The following GET1 variants were observed in gnomAD, a reference collection of about 807,000 sequenced individuals.
GET1 encodes the protein congenital heart disease 5 protein.
A neutral mutation model predicts 22.6 loss-of-function variants in GET1; 20 were observed. The observed-to-expected ratio is 0.89, with a 90% CI of 0.62 to 1.29. The LOEUF is 1.29. Among genes scored for constraint, GET1 ranks in the 50% most tolerant of loss-of-function variants. The probability of loss-of-function intolerance (pLI) is 0.00; values close to 1 mark genes in which losing one functional copy is unlikely to be tolerated. For synonymous variants in GET1, 92 were observed against 83.8 expected, an observed-to-expected ratio of 1.10 and a Z score of -0.53; for missense variants, 209 against 219.9, an observed-to-expected ratio of 0.95 and a Z score of 0.31.
intron 1 of GET1, among the ~76,000 whole-genome samples, chr21:39,382,943 T>A (rs952824560): frequency 1.3e-5 from 2 of 152,118 alleles, no homozygotes; most frequent in Admixed American, 6.5e-5. Context: ...TTATTCTTTT[T>A]ATTTTTTTAT....
At chr21:39,420,350 C>T (rs1288965339) in intron 1 of GET1, among the ~76,000 whole-genome samples, 5 of 151,788 alleles carry the variant, frequency 3.3e-5, no homozygotes, top group African/African-American at 7.3e-5. Flanking sequence ...GGCAAAAGCC[C>T]GTCTCTACTA....
At chr21:39,407,020 A>G (rs2039182441), downstream of GET1, among the ~76,000 whole-genome samples, 6 of 152,186 alleles carry the variant, frequency 3.9e-5, no homozygotes, top group South Asian at 1.2e-3. Context: ...TGAGCCCAAG[A>G]GTCTGAGACC....
downstream of GET1, among the ~76,000 whole-genome samples, chr21:39,407,213 C>T (rs1368594378): frequency 5.3e-5 from 8 of 152,126 alleles, no homozygotes; most frequent in African/African-American, 1.9e-4. Context: ...GGCAACAGAG[C>T]AGAGCTGTTT....
At chr21:39,395,553 A>G (rs1472127376) in intron 4 of GET1, among the ~76,000 whole-genome samples, 1 of 151,928 alleles carries the variant, frequency 6.6e-6, no homozygotes, top group Non-Finnish European at 1.5e-5. Context: ...TAGTAGAGAC[A>G]GGGTTTCACC....
intron 1 of GET1, among the ~76,000 whole-genome samples, chr21:39,385,423 A>T (rs561710796): frequency 4.6e-5 from 7 of 152,234 alleles, no homozygotes; most frequent in Admixed American, 3.3e-4. Context: ...TGGGGGTGGG[A>T]TGCCTGGTAA....
chr21:39,413,319 G>A (rs530909725), intron 1 of GET1, among the ~76,000 whole-genome samples: 1 of 152,252 alleles, frequency 6.6e-6, no homozygotes, highest in East Asian at 1.9e-4. Context: ...GAAAAAGTCT[G>A]CAAGTCTAAG....
intron 1 of GET1, among the ~76,000 whole-genome samples, chr21:39,387,536 G>A (rs774750832): frequency 1.3e-5 from 2 of 152,106 alleles, no homozygotes; most frequent in Non-Finnish European, 2.9e-5. Context: ...TAGCTCCTTC[G>A]GTTATAGTGC....
At chr21:39,382,997 C>T (rs542278273) in intron 1 of GET1, among the ~76,000 whole-genome samples, 7 of 152,100 alleles carry the variant, frequency 4.6e-5, no homozygotes, top group African/African-American at 1.2e-4. Flanking sequence ...GTTGCCCAGG[C>T]TGGAGTGCAG....
At chr21:39,411,179 T>G (rs1373928197), downstream of GET1, 1 of 263,428 alleles carries the variant, frequency 3.8e-6, no homozygotes, top group East Asian at 1.0e-4. Context: ...TAGGCTATTG[T>G]GACCAAAGGA....
intron 1 of GET1, among the ~76,000 whole-genome samples, chr21:39,417,768 T>C (rs770338589): frequency 6.6e-6 from 1 of 151,968 alleles, no homozygotes; most frequent in Non-Finnish European, 1.5e-5. Context: ...AATTTTTTAA[T>C]TTTTAATTTT....
intron 1 of GET1, among the ~76,000 whole-genome samples, chr21:39,389,298 T>C (rs918671514): frequency 2.0e-5 from 3 of 152,018 alleles, no homozygotes; most frequent in Non-Finnish European, 4.4e-5. Flanking sequence ...CCTTTTTTTT[T>C]TGAGACAAGG....
Position 39,394,591 on chromosome 21 carries a change from AG to A in GET1, c.451+1313del, listed in dbSNP as rs545690974. On this transcript the variant is annotated intron_variant, in intron 4 of 4. Transcript: ENST00000649170. ...CCGGAGGCTGGGGAGTCCAAAATCA[AG>A]GTGCCGGCAGATTTGGTGTCTGATG... Among the ~76,000 whole-genome samples, 12 of 152,312 alleles carry A rather than the reference AG, an allele frequency of 7.9e-5. No individual in the cohort carries two copies. The East Asian group carries it at 1.9e-3, about 25-fold the overall frequency.
At chr21:39,391,676 T>C (rs917267349) in intron 2 of GET1, 93 bp from the exon 3 acceptor site, 11 of 1,197,194 alleles carry the variant, frequency 9.2e-6, no homozygotes, top group Non-Finnish European at 1.2e-5. Context: ...AATCAGAAAG[T>C]GTATTATAAG....
At chr21:39,417,683 G>A (rs768817406) in intron 1 of GET1, among the ~76,000 whole-genome samples, 26 of 152,310 alleles carry the variant, frequency 1.7e-4, no homozygotes, top group Admixed American at 5.9e-4. Context: ...GACAAAGGAG[G>A]AGCAAAAGGA....
chr21:39,396,835 G>T, intron 4 of GET1, 31 bp from the exon 5 acceptor site: 1 of 1,607,260 alleles, frequency 6.2e-7, no homozygotes, highest in Admixed American at 1.7e-5. Flanking sequence ...CTGCTGGTAT[G>T]CGCTCTCATG....
chr21:39,422,579 G>C, intron 1 of GET1: 1 of 261,846 alleles, frequency 3.8e-6, no homozygotes, highest in Non-Finnish European at 7.1e-6. Context: ...GGTTTTTAGG[G>C]AAGTAGCCTT....
At chr21:39,383,031 A>T (rs1419851703) in intron 1 of GET1, among the ~76,000 whole-genome samples, 1 of 151,814 alleles carries the variant, frequency 6.6e-6, no homozygotes, top group Non-Finnish European at 1.5e-5. Context: ...GCTCACTGCA[A>T]GCTCCGCCTC....
intron 1 of GET1, among the ~76,000 whole-genome samples, chr21:39,416,201 G>A (rs73906034): frequency 0.16 from 24,530 of 152,116 alleles, 2,126 homozygotes; most frequent in African/African-American, 0.2. Context: ...GTCCTCTACT[G>A]ACCAGTCTTC....
chr21:39,398,968 G>C (rs2038771237), downstream of GET1, among the ~76,000 whole-genome samples: 1 of 152,226 alleles, frequency 6.6e-6, no homozygotes, highest in South Asian at 2.1e-4. Context: ...TCGAACTCCT[G>C]ACCTCAGCCG....
Sources: gnomAD v4.1 joint callset for allele counts (sites outside exome capture counted in the v4.1 genomes callset) on GRCh38, gnomAD v4.1.1 for gene constraint, MANE v1.5 for transcripts, NCBI Gene and HGNC (gene_info 2026-07-23, HGNC 2026-07-21) for gene names.